Variants in AGBL1 observed in about 807,000 individuals in gnomAD.
AGBL1 encodes AGBL carboxypeptidase 1, also known as cytosolic carboxypeptidase 4.
AGBL1 carries 130 observed loss-of-function variants against 118.9 expected under a neutral mutation model. The ratio of observed to expected loss-of-function variants is 1.09; its 90% confidence interval spans 0.95 to 1.26. The LOEUF is 1.26. AGBL1 is among the 50% of genes most tolerant of loss of function. The pLI is 0.00. For missense variants in AGBL1, 1,584 were observed against 1,298.1 expected (o/e 1.22, Z -3.38); for synonymous variants, 555 against 478.9 (o/e 1.16, Z -2.08).
rs745669083 is a variant in AGBL1, at chr15:86,613,367, G to A, written c.2994+58830G>A. On this transcript the variant is annotated intron_variant, in intron 21 of 22. Transcript: ENST00000614907. This position sits in a 1 kb window ranked among gnomAD's most constrained non-coding sequence, Gnocchi z 4.2. ...GGATCTAATGGGGCAGTAGGACACC[G>A]GTTGGTGCGTGGACAGTTAGTGGGT... 1.5e-4 allele frequency among the ~76,000 whole-genome samples: 23 copies of A among 152,154 alleles called. No individual in the cohort carries two copies. Among genetic ancestry groups the A allele is most frequent in the South Asian group, 1.4e-3 (7 of 4,832 alleles).
intron 22 of AGBL1, among the ~76,000 whole-genome samples, chr15:86,884,770 C>T (rs890456645): frequency 6.6e-6 from 1 of 152,156 alleles, no homozygotes; most frequent in Non-Finnish European, 1.5e-5. Context: ...TGAGATTGCA[C>T]CACTGCACTC....
chr15:86,672,884 A>C (rs1447774001), intron 21 of AGBL1, among the ~76,000 whole-genome samples: 2 of 152,174 alleles, frequency 1.3e-5, no homozygotes, highest in Non-Finnish European at 2.9e-5. Context: ...AGATTTTCAA[A>C]CAGCTGAAAT....
At chr15:86,200,562 C>CCCT (rs1491108580) in intron 5 of AGBL1, among the ~76,000 whole-genome samples, 24 of 95,142 alleles carry the variant, frequency 2.5e-4, no homozygotes, top group East Asian at 4.0e-4. Context: ...CCCCCCCCCC[C>CCCT]TTTTTTTTTT....
rs745977109 is a variant in AGBL1 at position 86,254,034 on chromosome 15, G to A, written c.736-2819G>A. Among the ~76,000 whole-genome samples, 5 of 152,282 alleles carry A rather than the reference G, an allele frequency of 3.3e-5. No homozygotes were observed. The Middle Eastern group carries it at 0.01, about 311-fold the overall frequency. On this transcript the variant is annotated intron_variant, in intron 7 of 22. Transcript: ENST00000614907. Reference sequence around the variant, plus strand: ...TAGGCAGGAGATGTTCGTGGCTTTGGCTACATAGAAGCAGAGCTGGAATTT... The same window carrying A: ...TAGGCAGGAGATGTTCGTGGCTTTGACTACATAGAAGCAGAGCTGGAATTT...
chr15:86,560,759 G>A (rs913673427), intron 21 of AGBL1, among the ~76,000 whole-genome samples: 8 of 152,196 alleles, frequency 5.3e-5, no homozygotes, highest in Non-Finnish European at 8.8e-5. Context: ...CCCACCAACA[G>A]TGTAAAACAG....
chr15:86,816,463 A>G (rs952200194), intron 22 of AGBL1, among the ~76,000 whole-genome samples: 1 of 152,240 alleles, frequency 6.6e-6, no homozygotes, highest in Non-Finnish European at 1.5e-5. Flanking sequence ...ATCGACACCA[A>G]AGAAATATCA....
intron 18 of AGBL1, among the ~76,000 whole-genome samples, chr15:86,498,865 A>G (rs1045683223): frequency 6.6e-6 from 1 of 151,944 alleles, no homozygotes; most frequent in Non-Finnish European, 1.5e-5. Flanking sequence ...CAATTGCCAA[A>G]GTACAGGCCT....
At chr15:86,086,889 T>A (rs1895694318) in intron 1 of AGBL1, among the ~76,000 whole-genome samples, 1 of 152,212 alleles carries the variant, frequency 6.6e-6, no homozygotes, top group Admixed American at 6.5e-5. Context: ...TAGTTTCCAA[T>A]TTGGGGCTAT....
At chr15:86,750,371 G>A (rs914609788) in intron 22 of AGBL1, among the ~76,000 whole-genome samples, 1 of 151,276 alleles carries the variant, frequency 6.6e-6, no homozygotes, top group Non-Finnish European at 1.5e-5. Flanking sequence ...CAGGGTAATT[G>A]ACATTTTATT....
At chr15:86,407,307 T>A (rs980574546) in intron 18 of AGBL1, among the ~76,000 whole-genome samples, 12 of 151,922 alleles carry the variant, frequency 7.9e-5, no homozygotes, top group Non-Finnish European at 1.6e-4. Flanking sequence ...AGTTTCAGAG[T>A]CAGAAATTAA....
chr15:86,870,517 AG>A (rs1393627186), intron 22 of AGBL1, among the ~76,000 whole-genome samples: 2 of 147,242 alleles, frequency 1.4e-5, no homozygotes, highest in Non-Finnish European at 3.0e-5. Flanking sequence ...ACACAGCAAA[AG>A]CCCTTTCCCT....
intron 18 of AGBL1, among the ~76,000 whole-genome samples, chr15:86,511,140 T>C (rs2083048064): frequency 6.6e-6 from 1 of 152,114 alleles, no homozygotes; most frequent in South Asian, 2.1e-4. Context: ...GTCTTTTGAA[T>C]ATAATTTTGT....
chr15:86,320,759 T>A (rs1180255392), intron 17 of AGBL1, among the ~76,000 whole-genome samples: 1 of 151,664 alleles, frequency 6.6e-6, no homozygotes, highest in African/African-American at 2.4e-5. Context: ...ATTTATGAGG[T>A]TAAGGATGTG....
chr15:86,389,187 A>G (rs1432306581), intron 17 of AGBL1, among the ~76,000 whole-genome samples: 1 of 152,196 alleles, frequency 6.6e-6, no homozygotes, highest in South Asian at 2.1e-4. Context: ...AAAGTTCAAT[A>G]ATCTGGAAAT....
chr15:86,494,653 GT>G (rs2082824967), intron 18 of AGBL1, among the ~76,000 whole-genome samples: 1 of 151,934 alleles, frequency 6.6e-6, no homozygotes, highest in Non-Finnish European at 1.5e-5. Flanking sequence ...ATTTACTTTT[GT>G]TTAATCATAA....
intron 17 of AGBL1, among the ~76,000 whole-genome samples, chr15:86,377,052 A>T (rs970115571): frequency 6.6e-6 from 1 of 152,214 alleles, no homozygotes; most frequent in African/African-American, 2.4e-5. Context: ...CCAGGTCTTT[A>T]TAAGTCAGGA....
At chr15:86,270,546 C>G (rs898886895) in intron 14 of AGBL1, among the ~76,000 whole-genome samples, 1 of 152,180 alleles carries the variant, frequency 6.6e-6, no homozygotes, top group African/African-American at 2.4e-5. Flanking sequence ...GACGAGCAGG[C>G]TGTATTTATT....
chr15:86,834,320 G>C (rs1446068131), intron 22 of AGBL1, among the ~76,000 whole-genome samples: 1 of 152,114 alleles, frequency 6.6e-6, no homozygotes, highest in Non-Finnish European at 1.5e-5. Flanking sequence ...AGCTCAGTGT[G>C]CAAGAAATCA....
chr15:86,512,048 T>C (rs1033815731), intron 18 of AGBL1, among the ~76,000 whole-genome samples: 1 of 151,996 alleles, frequency 6.6e-6, no homozygotes, highest in Non-Finnish European at 1.5e-5. Flanking sequence ...AATGCCATTT[T>C]AATTCATGTG....
Sources: allele counts gnomAD v4.1 joint callset (sites outside exome capture counted in the v4.1 genomes callset), GRCh38; gene constraint gnomAD v4.1.1; non-coding constraint Gnocchi (gnomAD v3.1); transcripts MANE v1.5; gene names NCBI Gene and HGNC (gene_info 2026-07-23, HGNC 2026-07-21).